The following MALRD1 variants were observed in gnomAD, a reference collection of about 807,000 sequenced individuals.
MALRD1 encodes the protein MAM and LDL receptor class A domain containing 1, also known as MAM and LDL-receptor class A domain-containing protein 1.
MALRD1 carries 247 observed loss-of-function variants against 242.1 expected under a neutral mutation model. The ratio of observed to expected loss-of-function variants is 1.02; its 90% CI spans 0.92 to 1.13. MALRD1 has a LOEUF of 1.13. Among genes scored for constraint, MALRD1 ranks in the 50% most tolerant of loss-of-function variants. MALRD1 has a pLI of 0.00. For missense variants in MALRD1, 2,989 were observed against 2,533.1 expected (o/e 1.18, Z -3.86); for synonymous variants, 995 against 866.6 (o/e 1.15, Z -2.60).
chr10:19,158,864 C>A (rs1834277169), intron 12 of MALRD1, among the ~76,000 whole-genome samples: 1 of 152,026 alleles, frequency 6.6e-6, no homozygotes, highest in Middle Eastern at 3.2e-3. Context: ...TACAATGTCC[C>A]CAAAGTAGGA....
chr10:19,545,208 C>T (rs1835157900), intron 32 of MALRD1, among the ~76,000 whole-genome samples: 2 of 152,092 alleles, frequency 1.3e-5, no homozygotes, highest in Non-Finnish European at 2.9e-5. Context: ...ATAAGGGCAT[C>T]ATTCACATTG....
intron 36 of MALRD1, among the ~76,000 whole-genome samples, chr10:19,685,647 C>T (rs1221470067): frequency 1.3e-5 from 2 of 152,168 alleles, no homozygotes; most frequent in Non-Finnish European, 2.9e-5. Flanking sequence ...TGCTGTTTCT[C>T]AATGACTTTG....
intron 11 of MALRD1, among the ~76,000 whole-genome samples, 154 bp downstream of exon 11, chr10:19,146,498 G>A (rs180821490): frequency 1.4e-4 from 21 of 152,266 alleles, no homozygotes; most frequent in East Asian, 3.9e-4. Context: ...AATAATTGGC[G>A]GGTAATTGAG....
chr10:19,656,220 C>T (rs1297864777), intron 36 of MALRD1, among the ~76,000 whole-genome samples: 1 of 152,084 alleles, frequency 6.6e-6, no homozygotes, highest in Non-Finnish European at 1.5e-5. Context: ...AGTCCTAATA[C>T]TACTTGAGGT....
At chr10:19,730,953 A>G (rs570728617) in intron 39 of MALRD1, among the ~76,000 whole-genome samples, 172 bp downstream of exon 39, 5 of 152,192 alleles carry the variant, frequency 3.3e-5, no homozygotes, top group Non-Finnish European at 5.9e-5. Context: ...CCATCTCTAT[A>G]AATATGCTGT....
At chr10:19,544,875 G>A (rs1489040715) in intron 32 of MALRD1, among the ~76,000 whole-genome samples, 1 of 152,076 alleles carries the variant, frequency 6.6e-6, no homozygotes, top group East Asian at 1.9e-4. Flanking sequence ...ATCAAGCAGT[G>A]GGCAAGTTAT....
intron 36 of MALRD1, among the ~76,000 whole-genome samples, chr10:19,644,306 TC>T (rs1217274420): frequency 2.6e-5 from 4 of 152,178 alleles, no homozygotes; most frequent in Admixed American, 6.5e-5. Flanking sequence ...GATACTCTCT[TC>T]CTGAGCTCAT....
chr10:19,429,575 A>G (rs1191586307), intron 28 of MALRD1, among the ~76,000 whole-genome samples: 1 of 152,020 alleles, frequency 6.6e-6, no homozygotes, highest in Non-Finnish European at 1.5e-5. Flanking sequence ...AAATAAAACA[A>G]AACAAAACAA....
rs575164911 is a variant in MALRD1 at position 19,628,197 on chromosome 10, C to T, written c.6137+12274C>T. 8.5e-5 allele frequency among the ~76,000 whole-genome samples: 13 copies of T among 152,172 alleles called. No homozygotes were observed. In the South Asian group the frequency reaches 2.7e-3, roughly 32 times the overall value. ...TTATATATAGCTTGTGGGACTATAG[C>T]TTTTCTAAATATACAACATGGAGAA... On this transcript the variant is annotated intron_variant, in intron 36 of 39. Coordinates refer to ENST00000454679, the MANE Select transcript of MALRD1 (RefSeq NM_001142308.3).
intron 24 of MALRD1, among the ~76,000 whole-genome samples, chr10:19,343,223 A>G (rs1487663844): frequency 1.3e-5 from 2 of 152,154 alleles, no homozygotes; most frequent in African/African-American, 4.8e-5. Flanking sequence ...AGCAAGTGAT[A>G]TTAATATTTT....
At chr10:19,144,709 T>C (rs904232089) in intron 10 of MALRD1, among the ~76,000 whole-genome samples, 1 of 152,216 alleles carries the variant, frequency 6.6e-6, no homozygotes, top group East Asian at 1.9e-4. Context: ...ATATGAGCTT[T>C]TGGTGTCAGA....
At chr10:19,054,629 T>C (rs1834607929) in intron 1 of MALRD1, among the ~76,000 whole-genome samples, 1 of 152,228 alleles carries the variant, frequency 6.6e-6, no homozygotes, top group African/African-American at 2.4e-5. Flanking sequence ...GTGATTTTAG[T>C]TTCCACATGT....
At chr10:19,119,766 G>C (rs1301413763) in intron 5 of MALRD1, among the ~76,000 whole-genome samples, 1 of 152,164 alleles carries the variant, frequency 6.6e-6, no homozygotes, top group East Asian at 1.9e-4. Context: ...CTAGTCCCCA[G>C]ACAAGAAAGA....
chr10:19,734,094 TA>T, intron 39 of MALRD1, 62 bp from the exon 40 acceptor site: 1 of 1,308,194 alleles, frequency 7.6e-7, no homozygotes, highest in Non-Finnish European at 1.1e-6. Flanking sequence ...GCGTGATCTT[TA>T]AAGAGTTTTC....
intron 32 of MALRD1, among the ~76,000 whole-genome samples, chr10:19,542,690 T>C (rs1413229580): frequency 6.6e-6 from 1 of 152,140 alleles, no homozygotes; most frequent in East Asian, 1.9e-4. Flanking sequence ...AGCTTCTCAG[T>C]TGGATACAAA....
intron 28 of MALRD1, among the ~76,000 whole-genome samples, chr10:19,401,310 A>C (rs1280696355): frequency 6.6e-6 from 1 of 152,174 alleles, no homozygotes; most frequent in Non-Finnish European, 1.5e-5. Flanking sequence ...ACTTATTAAC[A>C]TATTTAGCTT....
intron 18 of MALRD1, among the ~76,000 whole-genome samples, chr10:19,220,081 T>TA (rs1395704462): frequency 1.3e-5 from 2 of 152,202 alleles, no homozygotes; most frequent in East Asian, 3.8e-4. Context: ...CTAATGTGTT[T>TA]AATATGGCTT....
At position 19,144,104 on chromosome 10, in the gene MALRD1, A is replaced by C. The variant is rs553884544; in HGVS notation, c.1412-2094A>C. Among the ~76,000 whole-genome samples, 5 of 152,302 alleles carry C rather than the reference A, an allele frequency of 3.3e-5. No individual in the cohort carries two copies. The South Asian group carries it at 1.0e-3, about 32-fold the overall frequency. On this transcript the variant is annotated intron_variant, in intron 10 of 39. Transcript: ENST00000454679. Reference sequence around the variant, plus strand: ...AGTGCACCATTAGGCGATGTGCAACATGTTTTTATTATTATGCTGTAGTCA... The same window carrying C: ...AGTGCACCATTAGGCGATGTGCAACCTGTTTTTATTATTATGCTGTAGTCA...
At chr10:19,064,991 A>C (rs1227235705) in intron 1 of MALRD1, among the ~76,000 whole-genome samples, 1 of 146,838 alleles carries the variant, frequency 6.8e-6, no homozygotes, top group Non-Finnish European at 1.5e-5. Context: ...GACTATTTAG[A>C]AATCCCTAGA....
Sources: allele counts gnomAD v4.1 joint callset (sites outside exome capture counted in the v4.1 genomes callset), GRCh38; gene constraint gnomAD v4.1.1; transcripts MANE v1.5; gene names NCBI Gene and HGNC (gene_info 2026-07-23, HGNC 2026-07-21).